Variants in PXDNL observed in about 807,000 individuals in gnomAD.
PXDNL encodes probable oxidoreductase PXDNL.
PXDNL carries 145 observed loss-of-function variants against 150.8 expected under a neutral mutation model. The observed-to-expected ratio is 0.96, with a 90% confidence interval of 0.84 to 1.10. PXDNL has a LOEUF of 1.10. PXDNL is among the 50% of genes least tolerant of loss of function. The pLI, the probability that PXDNL is intolerant of heterozygous loss-of-function variation, is 0.00. For missense variants in PXDNL, 2,087 were observed against 1,873.9 expected, an observed-to-expected ratio of 1.11 and a Z score of -2.10; for synonymous variants, 757 against 725.7, an observed-to-expected ratio of 1.04 and a Z score of -0.69.
At chr8:51,329,575 G>T (rs969172797) in intron 21 of PXDNL, among the ~76,000 whole-genome samples, 2 of 152,166 alleles carry the variant, frequency 1.3e-5, no homozygotes, top group Non-Finnish European at 2.9e-5. Context: ...AGACACAGAT[G>T]TTGAAATTAT....
chr8:51,453,908 C>CACATAT lies in PXDNL; in HGVS notation c.983-124_983-123insATATGT, dbSNP rs1554541980. On this transcript the variant is annotated intron_variant, in intron 9 of 22. Transcript: ENST00000356297. ...AATTCCTTTAAACTAAAATATTACACATATATATATATACACATTTAATTC... is the reference window on the plus strand; with the variant it reads ...AATTCCTTTAAACTAAAATATTACACACATATATATATATATATACACATTTAATTC... The CACATAT allele has an allele frequency of 4.0e-3, 3,160 of 783,300 alleles. 60 individuals carry two copies. The highest frequency in any genetic ancestry group is 0.036 in the South Asian group (1,867 of 52,278). 48.5% of individuals were successfully genotyped at this position (783,300 alleles called of 1,614,324 possible). A position where few individuals can be genotyped will look rare whatever the true frequency, so the allele number is the denominator to read the frequency against.
chr8:51,498,288 G>C (rs1347458047), intron 5 of PXDNL, among the ~76,000 whole-genome samples: 1 of 133,698 alleles, frequency 7.5e-6, no homozygotes, highest in East Asian at 2.6e-4. Context: ...TTGTGGGGTC[G>C]GGGGAGGGGG....
intron 19 of PXDNL, among the ~76,000 whole-genome samples, chr8:51,367,991 G>A (rs1187891008): frequency 6.6e-6 from 1 of 152,146 alleles, no homozygotes; most frequent in Non-Finnish European, 1.5e-5. Flanking sequence ...AGCCAGGTCT[G>A]ATGGCGCAGG....
chr8:51,724,605 C>T (rs1181206931), intron 1 of PXDNL, among the ~76,000 whole-genome samples: 1 of 152,188 alleles, frequency 6.6e-6, no homozygotes, highest in Non-Finnish European at 1.5e-5. Flanking sequence ...TGCGTGCCAC[C>T]ATACATAGTT....
chr8:51,601,449 A>G (rs991949082), intron 2 of PXDNL, among the ~76,000 whole-genome samples: 20 of 152,084 alleles, frequency 1.3e-4, no homozygotes, highest in African/African-American at 4.8e-4. Context: ...TTCTTGTTGA[A>G]GTGAACCCTT....
At position 51,319,622 on chromosome 8, in the gene PXDNL, C is replaced by A. The variant is rs1000613312; in HGVS notation, c.*269G>T. On this transcript the variant is annotated 3_prime_UTR_variant, in exon 23 of 23. Coordinates refer to ENST00000356297, the MANE Select transcript of PXDNL (RefSeq NM_144651.5). The stretch of plus-strand genomic sequence containing the variant: ...ATATTCTTTTTATTTCCAGGTGTGG[C>A]ATATAAAACTGACAGCTTACAGTAA... 1 of 222,010 alleles carries A rather than the reference C, an allele frequency of 4.5e-6. No homozygotes were observed. The highest frequency in any genetic ancestry group is 8.7e-6 in the Non-Finnish European group (1 of 114,382). 13.8% of individuals were successfully genotyped at this position (222,010 alleles called of 1,614,324 possible).
At chr8:51,521,300 A>G (rs1276765720) in intron 4 of PXDNL, among the ~76,000 whole-genome samples, 2 of 149,454 alleles carry the variant, frequency 1.3e-5, no homozygotes, top group Non-Finnish European at 3.0e-5. Flanking sequence ...ATAAGACTAG[A>G]TAGATAATCT....
At chr8:51,644,357 CACACACATATGTATATATAT>C (rs1563493786) in intron 2 of PXDNL, among the ~76,000 whole-genome samples, 25 of 55,202 alleles carry the variant, frequency 4.5e-4, no homozygotes, top group African/African-American at 9.3e-4. Context: ...CACACACACA[CACACACATATGTATATATAT>C]ACACACACAT....
At chr8:51,780,476 C>G (rs2037400295) in intron 1 of PXDNL, among the ~76,000 whole-genome samples, 1 of 152,076 alleles carries the variant, frequency 6.6e-6, no homozygotes, top group African/African-American at 2.4e-5. Flanking sequence ...ACTTGTTTAT[C>G]CTACAATGAG....
intron 17 of PXDNL, among the ~76,000 whole-genome samples, chr8:51,406,832 A>G (rs1808449571): frequency 6.6e-6 from 1 of 152,158 alleles, no homozygotes; most frequent in Non-Finnish European, 1.5e-5. Flanking sequence ...CTGTTCAGTC[A>G]TCTCGGCTCC....
chr8:51,401,713 G>A (rs1808253073), intron 17 of PXDNL, among the ~76,000 whole-genome samples: 4 of 152,166 alleles, frequency 2.6e-5, no homozygotes. Context: ...AGGAATCTGT[G>A]AGTCTTCTGA....
At chr8:51,604,004 T>G (rs1444886188) in intron 2 of PXDNL, among the ~76,000 whole-genome samples, 2 of 152,164 alleles carry the variant, frequency 1.3e-5, no homozygotes, top group Non-Finnish European at 2.9e-5. Context: ...AGTAGTACAT[T>G]TTTCATAATA....
intron 1 of PXDNL, among the ~76,000 whole-genome samples, chr8:51,706,318 C>T (rs891183606): frequency 8.0e-5 from 12 of 149,876 alleles, no homozygotes; most frequent in Non-Finnish European, 1.6e-4. Flanking sequence ...AGCGAAACTC[C>T]GTCTCAAAAA....
intron 2 of PXDNL, among the ~76,000 whole-genome samples, chr8:51,628,110 T>C (rs1814400816): frequency 6.6e-6 from 1 of 152,174 alleles, no homozygotes; most frequent in Non-Finnish European, 1.5e-5. Context: ...TCAAAATTGC[T>C]GTGTACACTG....
chr8:51,433,958 A>G (rs1247365184), intron 12 of PXDNL, among the ~76,000 whole-genome samples: 1 of 152,170 alleles, frequency 6.6e-6, no homozygotes, highest in Non-Finnish European at 1.5e-5. Context: ...AATATTATCT[A>G]TATGTTCATC....
chr8:51,709,898 A>G (rs1469288704), intron 1 of PXDNL, among the ~76,000 whole-genome samples: 1 of 152,208 alleles, frequency 6.6e-6, no homozygotes, highest in African/African-American at 2.4e-5. Context: ...GTCAATATGC[A>G]AATATCTATG....
In PXDNL at chr8:51,513,243, G is replaced by T. The variant is rs958953483; in HGVS notation, c.381-13473C>A. The stretch of plus-strand genomic sequence containing the variant: ...GAGGCTGTGCTGCTCTCCAGATGAG[G>T]CTGTGCACTTGCAGGCAGGGCCTCG... On this transcript the variant is annotated intron_variant, in intron 4 of 22. Coordinates refer to ENST00000356297, the MANE Select transcript of PXDNL (RefSeq NM_144651.5). 3.3e-5 allele frequency among the ~76,000 whole-genome samples: 5 copies of T among 152,328 alleles called. No homozygotes were observed. The South Asian group carries it at 6.2e-4, about 19-fold the overall frequency.
rs16916671 is a variant in PXDNL, at chr8:51,658,419, C to T, written c.165-3659G>A. On this transcript the variant is annotated intron_variant, in intron 1 of 22. Transcript: ENST00000356297. ...ATGATTGGACACCCAAAGATTTTCT[C>T]GAGATCGACTTAAACTCCAATAAGT... is the stretch of plus-strand genomic sequence containing the variant. Among the ~76,000 whole-genome samples, 1,349 of 150,000 alleles carry T rather than the reference C, an allele frequency of 9.0e-3. 20 individuals are homozygous for T. Among genetic ancestry groups the T allele is most frequent in the African/African-American group, 0.031 (1,279 of 40,762 alleles).
chr8:51,391,806 C>T (rs1477675675), intron 17 of PXDNL, among the ~76,000 whole-genome samples: 1 of 152,114 alleles, frequency 6.6e-6, no homozygotes, highest in African/African-American at 2.4e-5. Context: ...GACATGAAGT[C>T]CTTGCCCATG....
Sources: gnomAD v4.1 joint callset for allele counts (sites outside exome capture counted in the v4.1 genomes callset) on GRCh38, gnomAD v4.1.1 for gene constraint, MANE v1.5 for transcripts, NCBI Gene and HGNC (gene_info 2026-07-23, HGNC 2026-07-21) for gene names.